ADAMTSL1: variants seen among roughly 807,000 people sequenced by gnomAD.
ADAMTSL1 encodes ADAMTS like 1, also known as ADAMTS-like protein 1.
Under a neutral mutation model 201.8 loss-of-function variants are expected in ADAMTSL1, and 126 were observed. The observed-to-expected ratio is 0.62, with a 90% CI of 0.54 to 0.72. The LOEUF is 0.72. Among genes scored for constraint, ADAMTSL1 ranks in the 30% least tolerant of loss-of-function variants. The probability of loss-of-function intolerance (pLI) is 0.00; values close to 1 mark genes in which losing one functional copy is unlikely to be tolerated. For synonymous variants in ADAMTSL1, 1,121 were observed against 903.4 expected (o/e 1.24, Z -4.32); for missense variants, 2,679 against 2,277.8 (o/e 1.18, Z -3.59).
chr9:18,612,239 A>G (rs1825424087), intron 4 of ADAMTSL1, among the ~76,000 whole-genome samples: 1 of 152,198 alleles, frequency 6.6e-6, no homozygotes, highest in Admixed American at 6.6e-5. Flanking sequence ...AAACTCTCAG[A>G]TTACAGTGTT....
At chr9:18,090,243 C>T (rs1823949348) in intron 1 of ADAMTSL1, among the ~76,000 whole-genome samples, 1 of 152,028 alleles carries the variant, frequency 6.6e-6, no homozygotes, top group Non-Finnish European at 1.5e-5. Context: ...GGATTCCACT[C>T]CTAGGTATAA....
intron 2 of ADAMTSL1, among the ~76,000 whole-genome samples, chr9:18,277,561 A>G (rs984820470): frequency 1.3e-5 from 2 of 152,088 alleles, no homozygotes; most frequent in Admixed American, 6.6e-5. Context: ...TTTTAACTTA[A>G]AGCCTATTTT....
At chr9:18,279,931 C>T (rs1832720379) in intron 2 of ADAMTSL1, among the ~76,000 whole-genome samples, 1 of 151,512 alleles carries the variant, frequency 6.6e-6, no homozygotes, top group South Asian at 2.1e-4. Flanking sequence ...AAGAACAGAC[C>T]TAGGTCCTCA....
intron 1 of ADAMTSL1, among the ~76,000 whole-genome samples, chr9:18,021,557 C>T (rs538819268): frequency 3.5e-4 from 53 of 152,156 alleles, no homozygotes; most frequent in African/African-American, 1.1e-3. Context: ...GCGATTGTGT[C>T]GTGGTTCCAT....
intron 2 of ADAMTSL1, among the ~76,000 whole-genome samples, chr9:18,421,735 GATA>G (rs1278977449): frequency 3.3e-5 from 5 of 152,068 alleles, no homozygotes; most frequent in African/African-American, 1.2e-4. Flanking sequence ...TGTACAGAAT[GATA>G]ATAACTTGTA....
Position 18,574,221 on chromosome 9 carries a change from T to C in ADAMTSL1, c.429T>C (p.Arg143=), listed in dbSNP as rs1822550846. 2.5e-6 allele frequency: 4 copies of C among 1,614,204 alleles called. No individual in the cohort carries two copies. Among genetic ancestry groups the C allele is most frequent in the Non-Finnish European group, 3.4e-6 (4 of 1,180,012 alleles). ...ELAPKVLDGT[R]CYTESLDMCI... ...CACCTAAGGTCTTAGATGGTACGCG[T>C]TGCTATACAGAATCTTTGGATATGT... is the stretch of plus-strand genomic sequence containing the variant. Residue 143 remains arginine, a synonymous_variant, in exon 4 of 29, where the codon CGT becomes CGC. Transcript: ENST00000380548.
At chr9:18,228,740 C>G (rs933023106) in intron 2 of ADAMTSL1, among the ~76,000 whole-genome samples, 1 of 152,006 alleles carries the variant, frequency 6.6e-6, no homozygotes, top group Non-Finnish European at 1.5e-5. Flanking sequence ...ATGCCTTGCT[C>G]TCACAGGAAA....
At position 18,043,406 on chromosome 9, in the gene ADAMTSL1, A is replaced by G. The variant is rs552118456; in HGVS notation, c.88-120456A>G. The stretch of plus-strand genomic sequence containing the variant: ...ACATTTTTGGGATATTTAGAACCAG[A>G]GGCAGCTTCCAAAGCAACTGGCCAG... On this transcript the variant is annotated intron_variant, in intron 1 of 29. Transcript: ENST00000680146. 2.0e-4 allele frequency among the ~76,000 whole-genome samples: 31 copies of G among 152,268 alleles called. No homozygotes were observed. In the South Asian group the frequency reaches 6.0e-3, roughly 30 times the overall value.
chr9:18,768,722 T>C (rs1015844281), intron 16 of ADAMTSL1, among the ~76,000 whole-genome samples: 3 of 152,174 alleles, frequency 2.0e-5, no homozygotes, highest in African/African-American at 7.2e-5. Flanking sequence ...CTAACATCAT[T>C]ATCCACTAGC....
intron 2 of ADAMTSL1, among the ~76,000 whole-genome samples, chr9:18,286,499 A>T (rs1162801637): frequency 1.3e-5 from 2 of 152,168 alleles, no homozygotes; most frequent in Non-Finnish European, 2.9e-5. Flanking sequence ...AAATCCTTAT[A>T]GCCCTGTAAT....
intron 1 of ADAMTSL1, among the ~76,000 whole-genome samples, chr9:18,035,300 T>C (rs1054891279): frequency 2.6e-5 from 4 of 152,196 alleles, no homozygotes; most frequent in African/African-American, 9.7e-5. Flanking sequence ...TTGCACATCC[T>C]GAATTCATCC....
At chr9:17,917,567 T>A (rs1427172679) in intron 1 of ADAMTSL1, among the ~76,000 whole-genome samples, 1 of 152,072 alleles carries the variant, frequency 6.6e-6, no homozygotes, top group African/African-American at 2.4e-5. Context: ...ATATTATTTT[T>A]ATATATTGTT....
chr9:18,404,760 C>A (rs1417085035), intron 2 of ADAMTSL1, among the ~76,000 whole-genome samples: 1 of 152,156 alleles, frequency 6.6e-6, no homozygotes, highest in East Asian at 1.9e-4. Context: ...CTAGGTGCCA[C>A]CTTTGAGAGT....
At chr9:18,631,510 T>C (rs1220616373) in intron 5 of ADAMTSL1, among the ~76,000 whole-genome samples, 2 of 152,110 alleles carry the variant, frequency 1.3e-5, no homozygotes, top group African/African-American at 4.8e-5. Context: ...TAAAATAAAA[T>C]AAAGTGTCAG....
At chr9:18,138,716 G>T (rs1826265496) in intron 1 of ADAMTSL1, among the ~76,000 whole-genome samples, 1 of 152,148 alleles carries the variant, frequency 6.6e-6, no homozygotes, top group Non-Finnish European at 1.5e-5. Flanking sequence ...GGAAAAAAAG[G>T]AGGGTGAGGT....
At chr9:18,530,050 A>G (rs1178641541) in intron 2 of ADAMTSL1, among the ~76,000 whole-genome samples, 1 of 152,158 alleles carries the variant, frequency 6.6e-6, no homozygotes, top group Non-Finnish European at 1.5e-5. Context: ...TATCGGGGAA[A>G]AGGCTCATTT....
At chr9:18,634,078 C>G (rs1826950725) in intron 5 of ADAMTSL1, among the ~76,000 whole-genome samples, 1 of 152,008 alleles carries the variant, frequency 6.6e-6, no homozygotes, top group African/African-American at 2.4e-5. Flanking sequence ...TTTGTTTTCC[C>G]TGTTTTACAA....
chr9:18,194,812 C>T (rs1829109681), intron 2 of ADAMTSL1, among the ~76,000 whole-genome samples: 2 of 152,066 alleles, frequency 1.3e-5, no homozygotes, highest in Admixed American at 6.6e-5. Flanking sequence ...TTTCTGTACA[C>T]CCACATTCTC....
chr9:18,327,604 A>T (rs946982446), intron 2 of ADAMTSL1, among the ~76,000 whole-genome samples: 4 of 152,218 alleles, frequency 2.6e-5, no homozygotes, highest in African/African-American at 9.6e-5. Flanking sequence ...CCACAGAGCG[A>T]GGCAGAGATC....
Sources: allele counts gnomAD v4.1 joint callset (sites outside exome capture counted in the v4.1 genomes callset), GRCh38; gene constraint gnomAD v4.1.1; transcripts MANE v1.5; gene names NCBI Gene and HGNC (gene_info 2026-07-23, HGNC 2026-07-21).